The following GADL1 variants were observed in gnomAD, a reference collection of about 807,000 sequenced individuals.
GADL1 encodes GAD like acidic amino acid decarboxylase 1, also known as acidic amino acid decarboxylase GADL1.
GADL1 carries 71 observed loss-of-function variants against 69.5 expected under a neutral mutation model. The ratio of observed to expected loss-of-function variants is 1.02; its 90% CI spans 0.84 to 1.25. The LOEUF is 1.25. Ranked by LOEUF, GADL1 falls within the 50% of genes most tolerant of loss-of-function variation. The pLI is 0.00. For synonymous variants in GADL1, 254 were observed against 214.4 expected, an observed-to-expected ratio of 1.18 and a Z score of -1.62; for missense variants, 737 against 631.8, an observed-to-expected ratio of 1.17 and a Z score of -1.79.
chr3:30,882,820 C>A (rs991239615), intron 1 of GADL1, among the ~76,000 whole-genome samples: 5 of 151,648 alleles, frequency 3.3e-5, no homozygotes, highest in African/African-American at 1.2e-4. Flanking sequence ...TACTCTCCAG[C>A]ACTTGTTATT....
At chr3:30,732,603 A>T (rs975824582) in intron 14 of GADL1, among the ~76,000 whole-genome samples, 1 of 152,122 alleles carries the variant, frequency 6.6e-6, no homozygotes, top group Non-Finnish European at 1.5e-5. Context: ...AAATAAAATG[A>T]CTTTCTTTCT....
intron 11 of GADL1, among the ~76,000 whole-genome samples, chr3:30,813,032 C>T (rs1188917773): frequency 6.6e-6 from 1 of 151,932 alleles, no homozygotes; most frequent in Non-Finnish European, 1.5e-5. Context: ...ACACACACTC[C>T]ATGAGAAGGC....
chr3:30,783,833 T>C (rs1159303), intron 13 of GADL1, among the ~76,000 whole-genome samples: 16,812 of 152,156 alleles, frequency 0.11, 2,701 homozygotes, highest in African/African-American at 0.36. Context: ...TGTTTGCAAT[T>C]TCCTAATGAC....
intron 13 of GADL1, among the ~76,000 whole-genome samples, chr3:30,783,516 AAC>A (rs1178077473): frequency 7.6e-5 from 7 of 92,368 alleles, no homozygotes; most frequent in African/African-American, 1.8e-4. Flanking sequence ...GCTGTTAGAC[AAC>A]AGTGACACAT....
chr3:30,858,856 A>C (rs1232751448), intron 2 of GADL1, among the ~76,000 whole-genome samples: 1 of 151,996 alleles, frequency 6.6e-6, no homozygotes, highest in Non-Finnish European at 1.5e-5. Flanking sequence ...ACCAACACTT[A>C]TGAATGGGCA....
At chr3:30,787,903 T>G (rs1264067114) in intron 12 of GADL1, among the ~76,000 whole-genome samples, 1 of 152,228 alleles carries the variant, frequency 6.6e-6, no homozygotes, top group Non-Finnish European at 1.5e-5. Context: ...ATGTTCCTTT[T>G]TGCAAATTTA....
At chr3:30,809,633 C>A (rs1419659662) in intron 11 of GADL1, among the ~76,000 whole-genome samples, 3 of 152,180 alleles carry the variant, frequency 2.0e-5, no homozygotes, top group African/African-American at 7.2e-5. Flanking sequence ...TTCTCCAATT[C>A]TCACTTCCTT....
chr3:30,877,853 AT>A (rs1462395543), intron 1 of GADL1, among the ~76,000 whole-genome samples: 1 of 151,972 alleles, frequency 6.6e-6, no homozygotes, highest in Non-Finnish European at 1.5e-5. Flanking sequence ...ACCATAATAG[AT>A]TTTAATATTT....
rs139269343 is a variant in GADL1 at position 30,790,006 on chromosome 3, C to G, written c.1251-3600G>C. On this transcript the variant is annotated intron_variant, in intron 12 of 14. Coordinates refer to ENST00000282538, the MANE Select transcript of GADL1 (RefSeq NM_207359.3). ...CTCTAATTTCCCTCAAGAACTTTTCCTTTGCATTCATAACTTGGCTATTTG... is the reference window on the plus strand; with the variant it reads ...CTCTAATTTCCCTCAAGAACTTTTCGTTTGCATTCATAACTTGGCTATTTG... Among the ~76,000 whole-genome samples the G allele has an allele frequency of 4.3e-4, 65 of 152,268 alleles. No individual in the cohort carries two copies. In the East Asian group the frequency reaches 0.011, roughly 25 times the overall value.
chr3:30,804,534 C>T (rs1408098301), intron 11 of GADL1, among the ~76,000 whole-genome samples: 1 of 150,382 alleles, frequency 6.6e-6, no homozygotes, highest in Admixed American at 6.7e-5. Flanking sequence ...ACCCCGATAT[C>T]TCCCTTTATC....
chr3:30,793,686 T>C (rs558376086), intron 12 of GADL1, among the ~76,000 whole-genome samples: 1 of 152,328 alleles, frequency 6.6e-6, no homozygotes, highest in African/African-American at 2.4e-5. Context: ...TTACAAAGAA[T>C]CTCAGTTCTG....
intron 14 of GADL1, among the ~76,000 whole-genome samples, chr3:30,774,010 T>C (rs1273982821): frequency 2.7e-5 from 4 of 150,554 alleles, no homozygotes; most frequent in Non-Finnish European, 5.9e-5. Context: ...TCTGGCCCAA[T>C]TTACTCAGAC....
intron 14 of GADL1, among the ~76,000 whole-genome samples, chr3:30,754,148 A>C (rs1695906963): frequency 6.6e-6 from 1 of 152,186 alleles, no homozygotes; most frequent in Non-Finnish European, 1.5e-5. Flanking sequence ...CTTTTAAGAA[A>C]AATAGACAAG....
chr3:30,870,773 G>A (rs67484825), intron 1 of GADL1, among the ~76,000 whole-genome samples: 28,077 of 151,248 alleles, frequency 0.19, 3,154 homozygotes, highest in East Asian at 0.39. Context: ...AAGAACTTGC[G>A]GATAGATTGG....
intron 4 of GADL1, among the ~76,000 whole-genome samples, chr3:30,854,049 C>T (rs1244020874): frequency 1.3e-5 from 2 of 152,126 alleles, no homozygotes; most frequent in Non-Finnish European, 2.9e-5. Context: ...CTGTAACTCT[C>T]TCAGCTGTAC....
chr3:30,738,772 C>T (rs1400535104), intron 14 of GADL1, among the ~76,000 whole-genome samples: 2 of 152,142 alleles, frequency 1.3e-5, no homozygotes, highest in African/African-American at 2.4e-5. Flanking sequence ...GGGTCATATT[C>T]ATGAGTTTTT....
intron 1 of GADL1, among the ~76,000 whole-genome samples, chr3:30,887,358 A>G (rs941609746): frequency 8.5e-5 from 13 of 152,186 alleles, no homozygotes; most frequent in Non-Finnish European, 7.3e-5. Flanking sequence ...TGGCTCTTTG[A>G]GAAAGCATTT....
In GADL1 at chr3:30,880,595, CTCTT is replaced by C. The variant is rs576174672; in HGVS notation, c.37+13979_37+13982del. Among the ~76,000 whole-genome samples, 3 of 151,918 alleles carry C rather than the reference CTCTT, an allele frequency of 2.0e-5. No homozygotes were observed. In the South Asian group the frequency reaches 6.2e-4, roughly 31 times the overall value. ...ATGTGGAATTGTGATTCCATTAAAC[CTCTT>C]TCTTTTATAAGTAACCCAGTCTCAG... On this transcript the variant is annotated intron_variant, in intron 1 of 14. Coordinates refer to ENST00000282538, the MANE Select transcript of GADL1 (RefSeq NM_207359.3).
chr3:30,841,190 T>C (rs767883826), intron 8 of GADL1, among the ~76,000 whole-genome samples: 1 of 152,202 alleles, frequency 6.6e-6, no homozygotes, highest in South Asian at 2.1e-4. Context: ...TGTATTATTA[T>C]CTCAGAATGG....
Sources: allele counts gnomAD v4.1 joint callset (sites outside exome capture counted in the v4.1 genomes callset), GRCh38; gene constraint gnomAD v4.1.1; transcripts MANE v1.5; gene names NCBI Gene and HGNC (gene_info 2026-07-23, HGNC 2026-07-21).